Variants in SAXO2 observed in about 807,000 individuals in gnomAD.
SAXO2 encodes stabilizer of axonemal microtubules 2.
SAXO2 carries 17 observed loss-of-function variants against 18.7 expected under a neutral mutation model. The ratio of observed to expected loss-of-function variants is 0.91; its 90% CI spans 0.62 to 1.36. SAXO2 has a LOEUF of 1.36. SAXO2 is among the 40% of genes most tolerant of loss of function. SAXO2 has a pLI of 0.00. For synonymous variants in SAXO2, 163 were observed against 181.2 expected (o/e 0.90, Z 0.81); for missense variants, 486 against 562.6 (o/e 0.86, Z 1.38).
intron 3 of SAXO2, among the ~76,000 whole-genome samples, chr15:82,274,307 A>AT (rs1158455332): frequency 6.6e-6 from 1 of 152,064 alleles, no homozygotes; most frequent in East Asian, 1.9e-4. Flanking sequence ...TGTATTTCAG[A>AT]TTTTCAGGCA....
At chr15:82,280,765 C>T (rs1281106216) in intron 3 of SAXO2, among the ~76,000 whole-genome samples, 1 of 152,212 alleles carries the variant, frequency 6.6e-6, no homozygotes. Flanking sequence ...CTCCTGGCAT[C>T]CTTTTCAATT....
rs372203716 is a variant in SAXO2 at position 82,266,811 on chromosome 15, AT to A, written c.233+1065del. 2.1e-3 allele frequency among the ~76,000 whole-genome samples: 313 copies of A among 152,346 alleles called. 5 individuals carry two copies. The highest frequency in any genetic ancestry group is 6.5e-3 in the African/African-American group (269 of 41,586). On this transcript the variant is annotated intron_variant, in intron 2 of 3. Transcript: ENST00000682753. The stretch of plus-strand genomic sequence containing the variant: ...TTTCATGAAAGCAGGAACTAAGTCT[AT>A]TGTTATCTCAGCATTCTATTTTTAG...
At position 82,283,222 on chromosome 15, in the gene SAXO2, AC is replaced by A. The variant is rs2075383906; in HGVS notation, c.*162del. 1 of 464,286 alleles carries A rather than the reference AC, an allele frequency of 2.2e-6. No homozygotes were observed. The highest frequency in any genetic ancestry group is 6.1e-5 in the South Asian group (1 of 16,512). 28.8% of individuals were successfully genotyped at this position (464,286 alleles called of 1,614,324 possible). A position where few individuals can be genotyped will look rare whatever the true frequency, so the allele number is the denominator to read the frequency against. ...TATTATAAGAAATCAGAATCTTAAA[AC>A]CATTTTTTATTGATATTTTAATCAA... On this transcript the variant is annotated 3_prime_UTR_variant, in exon 4 of 4. Transcript: ENST00000682753.
At chr15:82,263,471 A>C (rs2075163693) in intron 1 of SAXO2, 1 of 702,020 alleles carries the variant, frequency 1.4e-6, no homozygotes, top group Non-Finnish European at 2.6e-6. Flanking sequence ...TCTAGAATCC[A>C]ACTGTGAGTC....
chr15:82,263,716 C>T (rs8038956), intron 1 of SAXO2, among the ~76,000 whole-genome samples: 1,791 of 152,164 alleles, frequency 0.012, 30 homozygotes, highest in African/African-American at 0.041. Flanking sequence ...AACAAATTAA[C>T]TTTGGGTGTA....
intron 3 of SAXO2, among the ~76,000 whole-genome samples, chr15:82,276,484 G>A (rs936104271): frequency 2.6e-5 from 4 of 152,130 alleles, no homozygotes; most frequent in African/African-American, 9.7e-5. Flanking sequence ...AACCAAAACA[G>A]CATGGTACTG....
In SAXO2 at chr15:82,264,622, G is replaced by C; in HGVS notation, c.54-947G>C. On this transcript the variant is annotated intron_variant, in intron 1 of 3. Coordinates refer to ENST00000682753, the MANE Select transcript of SAXO2 (RefSeq NM_001348699.2). ...GAGTATATATATAGTTCACTTGGAA[G>C]AACTTAAGAAATCATTTTCAAAATA... The C allele has an allele frequency of 4.3e-6, 3 of 702,116 alleles. No homozygotes were observed. The South Asian group carries it at 4.4e-5, about 10-fold the overall frequency. The allele number at this position is 702,116 out of a possible 1,614,324, so 43.5% of individuals were successfully genotyped here.
chr15:82,266,134 C>T (rs892015802), intron 2 of SAXO2, among the ~76,000 whole-genome samples: 12 of 134,848 alleles, frequency 8.9e-5, no homozygotes, highest in Non-Finnish European at 1.8e-4. Flanking sequence ...AGCTGATGAG[C>T]TAAACAACAA....
At position 82,271,840 on chromosome 15, in the gene SAXO2, T is replaced by G. The variant is rs151123162; in HGVS notation, c.433+38T>G. The G allele has an allele frequency of 1.0e-4, 153 of 1,532,688 alleles. No homozygotes were observed. In the African/African-American group the frequency reaches 2.0e-3, roughly 20 times the overall value. The allele number at this position is 1,532,688 out of a possible 1,614,324, so 94.9% of individuals were successfully genotyped here. A position where few individuals can be genotyped will look rare whatever the true frequency, so the allele number is the denominator to read the frequency against. On this transcript the variant is annotated intron_variant, in intron 3 of 3. Coordinates refer to ENST00000682753, the MANE Select transcript of SAXO2 (RefSeq NM_001348699.2). ...TTCATACATGAAGGAGCCAAAAAAC[T>G]AAAACTCACTTCCAGCTTTAACATC...
intron 1 of SAXO2, among the ~76,000 whole-genome samples, chr15:82,263,829 A>AT (rs1449149000): frequency 6.6e-6 from 1 of 152,116 alleles, no homozygotes. Flanking sequence ...TTCAGTCTTC[A>AT]TTATGTTGAG....
chr15:82,268,542 C>T (rs2075240905), intron 2 of SAXO2, among the ~76,000 whole-genome samples: 1 of 152,216 alleles, frequency 6.6e-6, no homozygotes, highest in South Asian at 2.1e-4. Flanking sequence ...AATCTAGGAG[C>T]TTGAAACTCT....
At chr15:82,275,368 C>T (rs1282683631) in intron 3 of SAXO2, among the ~76,000 whole-genome samples, 1 of 147,946 alleles carries the variant, frequency 6.8e-6, no homozygotes, top group South Asian at 2.1e-4. Flanking sequence ...CAGCTGGTAC[C>T]AATCCTAGTG....
intron 3 of SAXO2, among the ~76,000 whole-genome samples, 163 bp from the exon 4 acceptor site, chr15:82,281,956 C>T (rs1474680146): frequency 6.6e-6 from 1 of 151,974 alleles, no homozygotes. Flanking sequence ...AGAAAAAGAA[C>T]GAATCTGAAA....
At chr15:82,278,661 A>G (rs2075336621) in intron 3 of SAXO2, among the ~76,000 whole-genome samples, 1 of 152,188 alleles carries the variant, frequency 6.6e-6, no homozygotes, top group Non-Finnish European at 1.5e-5. Context: ...CAGAGTCATA[A>G]AAAAAACCTT....
intron 2 of SAXO2, among the ~76,000 whole-genome samples, chr15:82,271,228 CAG>C (rs1309874768): frequency 2.6e-5 from 4 of 152,220 alleles, no homozygotes; most frequent in African/African-American, 7.2e-5. Context: ...AAAGTGGACT[CAG>C]GGGTAATATA....
At chr15:82,264,393 A>G (rs958061196) in intron 1 of SAXO2, among the ~76,000 whole-genome samples, 5 of 151,774 alleles carry the variant, frequency 3.3e-5, no homozygotes, top group Admixed American at 6.6e-5. Context: ...TAACAAAAAA[A>G]GAGAATATTC....
At chr15:82,274,751 A>G (rs941933754) in intron 3 of SAXO2, among the ~76,000 whole-genome samples, 2 of 151,862 alleles carry the variant, frequency 1.3e-5, no homozygotes, top group Non-Finnish European at 2.9e-5. Context: ...GAGACACAAC[A>G]TACCAAAACT....
intron 3 of SAXO2, among the ~76,000 whole-genome samples, chr15:82,275,297 A>T (rs1389977501): frequency 6.7e-6 from 1 of 149,590 alleles, no homozygotes; most frequent in Non-Finnish European, 1.5e-5. Flanking sequence ...AAAAAAAAAA[A>T]AAAAAAAAAT....
intron 3 of SAXO2, among the ~76,000 whole-genome samples, chr15:82,280,346 CTT>C (rs2075352444): frequency 6.6e-6 from 1 of 151,924 alleles, no homozygotes; most frequent in Non-Finnish European, 1.5e-5. Context: ...TCTTTTTTCT[CTT>C]GTGTGGTAGC....
Sources: allele counts gnomAD v4.1 joint callset (sites outside exome capture counted in the v4.1 genomes callset), GRCh38; gene constraint gnomAD v4.1.1; transcripts MANE v1.5; gene names NCBI Gene and HGNC (gene_info 2026-07-23, HGNC 2026-07-21).